RCSD1: variants seen among roughly 807,000 people sequenced by gnomAD.
RCSD1 encodes the protein capZ-interacting protein.
A neutral mutation model predicts 42.5 loss-of-function variants in RCSD1; 26 were observed. The observed-to-expected ratio is 0.61, with a 90% CI of 0.45 to 0.85. The LOEUF is 0.85. Among genes scored for constraint, RCSD1 ranks in the 40% least tolerant of loss-of-function variants. The pLI is 0.00. For missense variants in RCSD1, 571 were observed against 528.3 expected (o/e 1.08, Z -0.79); for synonymous variants, 220 against 212.2 (o/e 1.04, Z -0.32).
At chr1:167,653,080 G>T (rs140145457) in intron 1 of RCSD1, among the ~76,000 whole-genome samples, 1 of 152,108 alleles carries the variant, frequency 6.6e-6, no homozygotes, top group Non-Finnish European at 1.5e-5. Flanking sequence ...AACAATTTTC[G>T]CCATAATCCT....
rs1659793896 is a variant in RCSD1, at chr1:167,707,818, C to A, written c.*3122C>A. On this transcript the variant is annotated 3_prime_UTR_variant, in exon 7 of 7. Transcript: ENST00000367854. Reference sequence around the variant, plus strand: ...AGTACTGCAGTTACTTTTGCACCAACCTAATAGCTCGGATTACAAGTATGC... The same window carrying A: ...AGTACTGCAGTTACTTTTGCACCAAACTAATAGCTCGGATTACAAGTATGC... Among the ~76,000 whole-genome samples the A allele has an allele frequency of 6.6e-6, 1 of 152,142 alleles. No homozygotes were observed. The highest frequency in any genetic ancestry group is 6.5e-5 in the Admixed American group (1 of 15,268).
chr1:167,697,840 G>A lies in RCSD1; in HGVS notation c.1216G>A (p.Glu406Lys). 6.8e-7 allele frequency: 1 copy of A among 1,461,466 alleles called. No homozygotes were observed. The highest frequency in any genetic ancestry group is 9.0e-7 in the Non-Finnish European group (1 of 1,106,600). The allele number at this position is 1,461,466 out of a possible 1,614,324, so 90.5% of individuals were successfully genotyped here. ...GAGCGAGCCAGCAGTCCCCAAGCCG[G>A]AGGTAGGTGGCCTGGCTCGTTCACA... ...VQSEPAVPKP[E>K]DDTPVQDTKM Residue 406 changes from glutamate to lysine, a missense_variant and splice_region_variant, in exon 6 of 7, where the codon GAG becomes AAG. By Grantham distance (56) the Glu-to-Lys change is moderately conservative. Transcript: ENST00000367854.
intron 1 of RCSD1, among the ~76,000 whole-genome samples, chr1:167,682,119 G>A (rs367807336): frequency 5.9e-5 from 9 of 151,834 alleles, no homozygotes; most frequent in East Asian, 1.9e-4. Context: ...ACAGCTGTTC[G>A]CAGATCGGAA....
intron 1 of RCSD1, among the ~76,000 whole-genome samples, chr1:167,656,354 A>C (rs1253025125): frequency 1.3e-5 from 2 of 152,212 alleles, no homozygotes; most frequent in Non-Finnish European, 2.9e-5. Flanking sequence ...ATAATAATTA[A>C]AAAGAAATTA....
chr1:167,678,499 C>T (rs1178378047), intron 1 of RCSD1, among the ~76,000 whole-genome samples: 1 of 151,814 alleles, frequency 6.6e-6, no homozygotes, highest in Non-Finnish European at 1.5e-5. Context: ...TTCCCTTGCT[C>T]ACACCCATGC....
At chr1:167,654,270 T>G (rs982293770) in intron 1 of RCSD1, among the ~76,000 whole-genome samples, 1 of 152,096 alleles carries the variant, frequency 6.6e-6, no homozygotes, top group Admixed American at 6.6e-5. Flanking sequence ...GAGGGTGATT[T>G]TACTGGGGAA....
Position 167,697,400 on chromosome 1 carries a change from A to G in RCSD1, c.776A>G (p.Lys259Arg), listed in dbSNP as rs759135140. Residue 259 changes from lysine (K) to arginine (R), a missense_variant, in exon 6 of 7, where the codon AAG (lysine) becomes AGG (arginine). Transcript: ENST00000367854. ...QEEDRATEEA[K>R]NGEKARRSSE... ...GAGGACAGGGCCACAGAGGAAGCCA[A>G]GAACGGTGAAAAGGCCAGGCGGAGT... The G allele has an allele frequency of 6.2e-7, 1 of 1,613,698 alleles. No homozygotes were observed. The highest frequency in any genetic ancestry group is 8.5e-7 in the Non-Finnish European group (1 of 1,179,844).
intron 5 of RCSD1, among the ~76,000 whole-genome samples, chr1:167,696,728 A>T (rs1407976236): frequency 6.6e-6 from 1 of 152,130 alleles, no homozygotes; most frequent in Non-Finnish European, 1.5e-5. Flanking sequence ...GCTGGATTAC[A>T]TGTGTGAGCC....
At position 167,697,462 on chromosome 1, in the gene RCSD1, G is replaced by A. The variant is rs1221761916; in HGVS notation, c.838G>A (p.Glu280Lys). Residue 280 changes from glutamate to lysine, a missense_variant, in exon 6 of 7, where the codon GAG (glutamate) becomes AAG (lysine). Transcript: ENST00000367854. ...GGACGGCCAGCACCCGGCCCAAGAG[G>A]AGGTCCCGGAATCGCCCCAGACCTC... ...EVDGQHPAQE[E>K]VPESPQTSGP... is the part of the protein sequence containing the mutation. 6.2e-7 allele frequency: 1 copy of A among 1,611,276 alleles called. No individual in the cohort carries two copies. Among genetic ancestry groups the A allele is most frequent in the Non-Finnish European group, 8.5e-7 (1 of 1,178,776 alleles).
In RCSD1 at chr1:167,707,084, G is replaced by A. The variant is rs57724413; in HGVS notation, c.*2388G>A. Among the ~76,000 whole-genome samples, 5,559 of 152,246 alleles carry A rather than the reference G, an allele frequency of 0.037. 353 individuals carry two copies. Among genetic ancestry groups the A allele is most frequent in the African/African-American group, 0.13 (5,262 of 41,514 alleles). ...AAACTGTGTCCTTCCTTACTCCAGA[G>A]AGGGAGCAAGAAAAAAAACCTGGAT... On this transcript the variant is annotated 3_prime_UTR_variant, in exon 7 of 7. Coordinates refer to ENST00000367854, the MANE Select transcript of RCSD1 (RefSeq NM_052862.4).
chr1:167,661,789 G>A (rs894609297), intron 1 of RCSD1, among the ~76,000 whole-genome samples: 3 of 152,258 alleles, frequency 2.0e-5, no homozygotes, highest in Admixed American at 2.0e-4. Flanking sequence ...TCATGCCTTT[G>A]GTGGAGGATA....
chr1:167,642,744 A>G (rs1011337456), intron 1 of RCSD1, among the ~76,000 whole-genome samples: 4 of 152,154 alleles, frequency 2.6e-5, no homozygotes, highest in African/African-American at 9.7e-5. Context: ...CCTTGGTGAA[A>G]GGGAATCTAT....
In RCSD1 at chr1:167,646,834, A is replaced by G. The variant is rs1658161139; in HGVS notation, c.6+16405A>G. Among the ~76,000 whole-genome samples the G allele has an allele frequency of 2.0e-5, 3 of 152,332 alleles. No homozygotes were observed. In the South Asian group the frequency reaches 6.2e-4, roughly 32 times the overall value. On this transcript the variant is annotated intron_variant, in intron 1 of 6. Transcript: ENST00000367854. ...AAACCTGGGGTAGTGTTAGCCAGGT[A>G]GAGAAGCAGGTAGAGGCCACTGCGG...
rs935571524 is a variant in RCSD1 at position 167,676,659 on chromosome 1, A to G, written c.7-7241A>G. Among the ~76,000 whole-genome samples the G allele has an allele frequency of 2.0e-5, 3 of 152,180 alleles. No homozygotes were observed. The East Asian group carries it at 5.8e-4, about 29-fold the overall frequency. Reference sequence around the variant, plus strand: ...TCCTGTCACTGCAATGGCATTCTGGATGAACATCTCCCTCTTCTCTATGGT... The same window carrying G: ...TCCTGTCACTGCAATGGCATTCTGGGTGAACATCTCCCTCTTCTCTATGGT... On this transcript the variant is annotated intron_variant, in intron 1 of 6. Transcript: ENST00000367854.
At position 167,697,100 on chromosome 1, in the gene RCSD1, T is replaced by C; in HGVS notation, c.476T>C (p.Val159Ala). Residue 159 changes from valine to alanine, a missense_variant and splice_region_variant, in exon 6 of 7, where the codon GTG (valine) becomes GCG (alanine). By Grantham distance (64) the Val-to-Ala change is moderately conservative. Coordinates refer to ENST00000367854, the MANE Select transcript of RCSD1 (RefSeq NM_052862.4). ...ACTTTCCTTAACACTTTCTTCTAGG[T>C]GCGGACGAGGGGCTCAATAAAAAGG... ...EGSHLPCYNK[V>A]RTRGSIKRRP... The C allele has an allele frequency of 6.2e-7, 1 of 1,610,568 alleles. No individual in the cohort carries two copies. The highest frequency in any genetic ancestry group is 1.7e-5 in the Admixed American group (1 of 59,362).
At chr1:167,663,482 AC>A (rs1658584627) in intron 1 of RCSD1, 3 of 152,152 alleles carry the variant, frequency 2.0e-5, no homozygotes, top group South Asian at 2.1e-4. Flanking sequence ...CCATTACCCT[AC>A]CCCACAGCCT....
At chr1:167,688,059 G>T (rs955915144) in intron 3 of RCSD1, among the ~76,000 whole-genome samples, 4 of 152,184 alleles carry the variant, frequency 2.6e-5, no homozygotes, top group South Asian at 2.1e-4. Context: ...AGTCTCAGCC[G>T]CTTGCCTGAA....
intron 1 of RCSD1, among the ~76,000 whole-genome samples, chr1:167,639,551 G>A (rs1657953074): frequency 6.6e-6 from 1 of 152,028 alleles, no homozygotes; most frequent in Non-Finnish European, 1.5e-5. Context: ...GGAGCGCAAT[G>A]GTGCAATCTC....
chr1:167,693,027 T>C (rs1039194672), intron 4 of RCSD1, among the ~76,000 whole-genome samples: 5 of 152,192 alleles, frequency 3.3e-5, no homozygotes, highest in African/African-American at 9.7e-5. Flanking sequence ...TCGGAAAGGC[T>C]GTTGGACTTG....
Sources: allele counts gnomAD v4.1 joint callset (sites outside exome capture counted in the v4.1 genomes callset), GRCh38; gene constraint gnomAD v4.1.1; transcripts MANE v1.5; gene names NCBI Gene and HGNC (gene_info 2026-07-23, HGNC 2026-07-21).